Variants in PDE4B observed in about 807,000 individuals in gnomAD.
PDE4B encodes phosphodiesterase 4B.
In PDE4B, 20 loss-of-function variants were observed where a neutral mutation model predicts 82.2. The observed-to-expected ratio is 0.24, with a 90% CI of 0.17 to 0.35. The LOEUF is 0.35. PDE4B is among the 10% of genes least tolerant of loss of function. PDE4B has a pLI of 1.00. For synonymous variants in PDE4B, 320 were observed against 318.9 expected (o/e 1.00, Z -0.04); for missense variants, 655 against 907.2 (o/e 0.72, Z 3.57).
intron 3 of PDE4B, among the ~76,000 whole-genome samples, chr1:66,154,348 C>A (rs887116228): frequency 6.6e-6 from 1 of 152,136 alleles, no homozygotes. Context: ...GGCGGTTCTC[C>A]ATGAAGATAT....
At chr1:65,882,810 A>G (rs2100347838) in intron 1 of PDE4B, among the ~76,000 whole-genome samples, 1 of 152,306 alleles carries the variant, frequency 6.6e-6, no homozygotes, top group Admixed American at 6.6e-5. Context: ...TTTAAAATAA[A>G]GATTAAAAAA....
At chr1:66,171,417 G>A (rs1646834393) in intron 3 of PDE4B, among the ~76,000 whole-genome samples, 1 of 152,132 alleles carries the variant, frequency 6.6e-6, no homozygotes, top group African/African-American at 2.4e-5. Context: ...GGGTTAGACA[G>A]TTAAGAAGGT....
chr1:66,022,893 C>T (rs1014370287), intron 3 of PDE4B, among the ~76,000 whole-genome samples: 3 of 152,090 alleles, frequency 2.0e-5, no homozygotes, highest in South Asian at 4.1e-4. Context: ...GTACCAGTTC[C>T]TCTTTGTACC....
rs188087707 is a variant in PDE4B at position 66,053,207 on chromosome 1, G to A, written c.281+134372G>A. On this transcript the variant is annotated intron_variant, in intron 3 of 16. Coordinates refer to ENST00000341517, the MANE Select transcript of PDE4B (RefSeq NM_002600.4). ...ATTAGCGTGTACAAAATACTTTTAC[G>A]TATGTGTATTAAATGTTTGTTGAAT... is the stretch of plus-strand genomic sequence containing the variant. Among the ~76,000 whole-genome samples, 96 of 152,164 alleles carry A rather than the reference G, an allele frequency of 6.3e-4. 1 individual carries two copies. The East Asian group carries it at 0.016, about 26-fold the overall frequency.
chr1:66,241,737 C>T (rs1009718615), intron 3 of PDE4B, among the ~76,000 whole-genome samples: 1 of 152,168 alleles, frequency 6.6e-6, no homozygotes, highest in East Asian at 1.9e-4. Context: ...CACACACACT[C>T]TATACAGAAA....
intron 3 of PDE4B, among the ~76,000 whole-genome samples, chr1:66,232,634 A>G (rs907807415): frequency 5.5e-4 from 84 of 152,342 alleles, no homozygotes; most frequent in African/African-American, 1.8e-3. Flanking sequence ...AAAAAGACCT[A>G]GGAAGCCAAG....
chr1:66,002,137 G>A (rs946379274), intron 3 of PDE4B, among the ~76,000 whole-genome samples: 1 of 151,958 alleles, frequency 6.6e-6, no homozygotes, highest in Admixed American at 6.6e-5. Context: ...TATGTGTGAG[G>A]GCATTTTGTA....
chr1:66,370,551 A>T (rs538957870), intron 16 of PDE4B, among the ~76,000 whole-genome samples: 4 of 152,166 alleles, frequency 2.6e-5, no homozygotes, highest in Non-Finnish European at 5.9e-5. Flanking sequence ...TGACATCGTT[A>T]TCCACTCTGG....
chr1:66,132,125 G>A (rs1645962856), intron 3 of PDE4B, among the ~76,000 whole-genome samples: 1 of 152,162 alleles, frequency 6.6e-6, no homozygotes, highest in African/African-American at 2.4e-5. Context: ...TTTTTAGTGT[G>A]TTCTGAACAA....
intron 3 of PDE4B, among the ~76,000 whole-genome samples, chr1:66,242,441 G>A (rs555326810): frequency 1.1e-4 from 17 of 152,330 alleles, no homozygotes; most frequent in African/African-American, 3.8e-4. Flanking sequence ...GGAGTTTGCA[G>A]TCTTTCTAGC....
chr1:66,356,888 A>G (rs1662291854), intron 9 of PDE4B, among the ~76,000 whole-genome samples: 1 of 152,256 alleles, frequency 6.6e-6, no homozygotes, highest in African/African-American at 2.4e-5. Context: ...ACAAAGGAGA[A>G]GAATTTTCAT....
At chr1:65,902,477 G>A (rs936941164) in intron 1 of PDE4B, among the ~76,000 whole-genome samples, 7 of 152,084 alleles carry the variant, frequency 4.6e-5, no homozygotes, top group African/African-American at 1.7e-4. Flanking sequence ...CAAAAGCACA[G>A]TTCAGATTTA....
intron 8 of PDE4B, among the ~76,000 whole-genome samples, chr1:66,345,640 ACTTAAT>A (rs1661337539): frequency 6.6e-6 from 1 of 152,198 alleles, no homozygotes; most frequent in South Asian, 2.1e-4. Context: ...AGGTTCAGAA[ACTTAAT>A]CTAATTTGTC....
Position 65,899,087 on chromosome 1 carries a change from A to G in PDE4B, c.-70-14158A>G, listed in dbSNP as rs140406902. Among the ~76,000 whole-genome samples, 242 of 152,250 alleles carry G rather than the reference A, an allele frequency of 1.6e-3. 4 individuals are homozygous for G. Among genetic ancestry groups the G allele is most frequent in the Non-Finnish European group, 2.6e-4 (18 of 68,004 alleles). The stretch of plus-strand genomic sequence containing the variant: ...TACATCTGTCAGAAGAATAATATCC[A>G]GAATCTACAACAAACTCAAACAAAT... On this transcript the variant is annotated intron_variant, in intron 1 of 16. Coordinates refer to ENST00000341517, the MANE Select transcript of PDE4B (RefSeq NM_002600.4).
intron 3 of PDE4B, among the ~76,000 whole-genome samples, chr1:65,968,140 T>C (rs1235380578): frequency 6.6e-6 from 1 of 152,138 alleles, no homozygotes; most frequent in Non-Finnish European, 1.5e-5. Flanking sequence ...GAGAAACCAA[T>C]ACTCAGACCA....
At chr1:66,318,944 A>AT (rs1659203435) in intron 7 of PDE4B, among the ~76,000 whole-genome samples, 1 of 152,218 alleles carries the variant, frequency 6.6e-6, no homozygotes, top group Non-Finnish European at 1.5e-5. Flanking sequence ...AAAGCAAGTC[A>AT]TGTCACCTTC....
chr1:65,869,996 A>G (rs1646555442), intron 1 of PDE4B, among the ~76,000 whole-genome samples: 1 of 152,114 alleles, frequency 6.6e-6, no homozygotes, highest in African/African-American at 2.4e-5. Flanking sequence ...GTGGTTGTGG[A>G]AAGGGTTTGA....
At chr1:66,156,900 G>T (rs1024654804) in intron 3 of PDE4B, among the ~76,000 whole-genome samples, 2 of 152,126 alleles carry the variant, frequency 1.3e-5, no homozygotes, top group African/African-American at 4.8e-5. Context: ...CCGCTCCTCA[G>T]TTATTGTCTC....
intron 3 of PDE4B, among the ~76,000 whole-genome samples, chr1:66,203,105 G>A (rs558241245): frequency 2.6e-5 from 4 of 151,526 alleles, no homozygotes; most frequent in African/African-American, 9.7e-5. Context: ...CTTCACTTAT[G>A]AAGCTTAGTT....
Sources: gnomAD v4.1 joint callset for allele counts (sites outside exome capture counted in the v4.1 genomes callset) on GRCh38, gnomAD v4.1.1 for gene constraint, MANE v1.5 for transcripts, NCBI Gene and HGNC (gene_info 2026-07-23, HGNC 2026-07-21) for gene names.